The following SH3BGRL variants were observed in gnomAD, a reference collection of about 807,000 sequenced individuals.
SH3BGRL encodes the protein adapter SH3BGRL.
SH3BGRL carries 7 observed loss-of-function variants against 9.8 expected under a neutral mutation model. That is an observed-to-expected ratio of 0.72 (90% CI 0.41 to 1.35). The LOEUF (loss-of-function observed/expected upper bound fraction) is 1.35, where lower values mean the gene tolerates loss of function less well. Ranked by LOEUF, SH3BGRL falls within the 40% of genes most tolerant of loss-of-function variation. SH3BGRL has a pLI of 0.01. For synonymous variants in SH3BGRL, 36 were observed against 29.1 expected, an observed-to-expected ratio of 1.24 and a Z score of -0.76; for missense variants, 73 against 84.4, an observed-to-expected ratio of 0.86 and a Z score of 0.53.
intron 1 of SH3BGRL, among the ~76,000 whole-genome samples, chrX:81,236,904 A>G (rs1028664960): frequency 4.8e-5 from 5 of 104,402 alleles, no homozygotes; most frequent in Non-Finnish European, 8.0e-5. Flanking sequence ...GCTGAGGGAG[A>G]GAGAGAGAGA....
At chrX:81,242,280 T>C (rs2075672597) in intron 1 of SH3BGRL, among the ~76,000 whole-genome samples, 1 of 112,124 alleles carries the variant, frequency 8.9e-6, no homozygotes, top group African/African-American at 3.2e-5. Context: ...AGTGAACTCA[T>C]TTTTGACAAA....
intron 1 of SH3BGRL, among the ~76,000 whole-genome samples, chrX:81,276,709 A>G (rs766274018): frequency 4.5e-5 from 5 of 111,386 alleles, no homozygotes; most frequent in African/African-American, 1.3e-4. Context: ...TTAGATATTG[A>G]TATGCATCAG....
intron 1 of SH3BGRL, among the ~76,000 whole-genome samples, chrX:81,237,484 G>T (rs1033165932): frequency 2.7e-5 from 3 of 111,622 alleles, no homozygotes; most frequent in African/African-American, 9.8e-5. Context: ...TGTCCTGTTA[G>T]AGCAGAAAGG....
At chrX:81,210,983 T>A (rs1023379985) in intron 1 of SH3BGRL, among the ~76,000 whole-genome samples, 7 of 112,003 alleles carry the variant, frequency 6.2e-5, no homozygotes, top group African/African-American at 2.3e-4. Flanking sequence ...TTTAAGAAAA[T>A]CATTTTATTG....
chrX:81,247,902 ATT>A, intron 1 of SH3BGRL, among the ~76,000 whole-genome samples: 1 of 108,745 alleles, frequency 9.2e-6, no homozygotes, highest in Non-Finnish European at 1.9e-5. Flanking sequence ...CTTTGGTAGA[ATT>A]TGGCTGTGAA....
chrX:81,218,561 TAAAG>T (rs1200331825), intron 1 of SH3BGRL, among the ~76,000 whole-genome samples: 1 of 107,398 alleles, frequency 9.3e-6, no homozygotes, highest in Non-Finnish European at 1.9e-5. Context: ...TTACTGAGGT[TAAAG>T]ATAGTACCCC....
intron 1 of SH3BGRL, among the ~76,000 whole-genome samples, chrX:81,219,820 G>T (rs1272389899): frequency 9.0e-6 from 1 of 111,133 alleles, no homozygotes; most frequent in East Asian, 2.8e-4. Context: ...GACACTTGCT[G>T]TCATGAAGGT....
At chrX:81,204,602 AC>A (rs1421053756) in intron 1 of SH3BGRL, among the ~76,000 whole-genome samples, 4 of 110,870 alleles carry the variant, frequency 3.6e-5, no homozygotes, top group South Asian at 7.6e-4. Context: ...AAAAAAAAAA[AC>A]AACAGATGTT....
chrX:81,275,421 A>T lies in SH3BGRL; in HGVS notation c.46-1563A>T, dbSNP rs956786009. On this transcript the variant is annotated intron_variant, in intron 1 of 3. Transcript: ENST00000373212. ...GCCTTGAAAGTACAGTCTTAATAGG[A>T]CATCTTTATATCTACTCAAATTTGT... Among the ~76,000 whole-genome samples the T allele has an allele frequency of 6.3e-5, 7 of 111,298 alleles. No homozygotes were observed. In the Admixed American group the frequency reaches 6.7e-4, roughly 11 times the overall value.
At chrX:81,264,809 C>T (rs1408854716) in intron 1 of SH3BGRL, among the ~76,000 whole-genome samples, 5 of 110,119 alleles carry the variant, frequency 4.5e-5, no homozygotes, top group Non-Finnish European at 9.5e-5. Flanking sequence ...GGATGTTACT[C>T]TCAGTGCTCC....
intron 1 of SH3BGRL, among the ~76,000 whole-genome samples, chrX:81,264,108 G>C (rs2075749074): frequency 9.1e-6 from 1 of 110,254 alleles, no homozygotes; most frequent in Admixed American, 9.7e-5. Flanking sequence ...AGGAATTCAT[G>C]TTCACTCATA....
At chrX:81,213,487 A>G (rs1226377584) in intron 1 of SH3BGRL, among the ~76,000 whole-genome samples, 1 of 112,432 alleles carries the variant, frequency 8.9e-6, no homozygotes, top group Non-Finnish European at 1.9e-5. Context: ...CATTTTTCCT[A>G]AATATTTCCT....
rs185101841 is a variant in SH3BGRL, at chrX:81,211,408, A to G, written c.45+9163A>G. On this transcript the variant is annotated intron_variant, in intron 1 of 3. Coordinates refer to ENST00000373212, the MANE Select transcript of SH3BGRL (RefSeq NM_003022.3). ...AGACCATCCTGGCTAACAGGGTGAA[A>G]CCCCGTCTCTACTGAAAATACAAAA... 6.3e-3 allele frequency among the ~76,000 whole-genome samples: 699 copies of G among 110,797 alleles called. 7 individuals are homozygous for G. Among genetic ancestry groups the G allele is most frequent in the African/African-American group, 0.021 (647 of 30,368 alleles).
At chrX:81,234,399 G>T (rs1423604362) in intron 1 of SH3BGRL, among the ~76,000 whole-genome samples, 2 of 111,865 alleles carry the variant, frequency 1.8e-5, no homozygotes, top group Non-Finnish European at 3.8e-5. Flanking sequence ...GAACAGTTCA[G>T]TGCAGCTTTT....
chrX:81,271,549 G>A (rs767453858), intron 1 of SH3BGRL, among the ~76,000 whole-genome samples: 3 of 111,760 alleles, frequency 2.7e-5, no homozygotes, highest in East Asian at 2.8e-4. Flanking sequence ...CTTGTTTCTT[G>A]TTGGTAAAGA....
chrX:81,278,443 T>C lies in SH3BGRL; in HGVS notation c.312+32T>C, dbSNP rs140268754. The C allele has an allele frequency of 8.7e-4, 799 of 915,634 alleles. 3 individuals carry two copies. The African/African-American group carries it at 0.015, about 17-fold the overall frequency. The allele number at this position is 915,634 out of a possible 1,213,427, so 75.5% of individuals were successfully genotyped here. A position where few individuals can be genotyped will look rare whatever the true frequency, so the allele number is the denominator to read the frequency against. ...TACCCTTTTTTTCCTGTTTTATAGG[T>C]CATTTTATTGCTGCTGAACTTTTTT... On this transcript the variant is annotated intron_variant, in intron 3 of 3. Transcript: ENST00000373212.
chrX:81,288,319 C>T (rs1451188205), intron 3 of SH3BGRL, among the ~76,000 whole-genome samples: 1 of 111,686 alleles, frequency 9.0e-6, no homozygotes, highest in Non-Finnish European at 1.9e-5. Flanking sequence ...ATGACTGAAC[C>T]ACAGCTAGTA....
At chrX:81,287,333 G>T (rs775427389) in intron 3 of SH3BGRL, among the ~76,000 whole-genome samples, 37 of 111,717 alleles carry the variant, frequency 3.3e-4, no homozygotes, top group Non-Finnish European at 7.0e-4. Flanking sequence ...ATTAGTGGCT[G>T]CTACAAGCAA....
At chrX:81,295,457 C>T (rs2075871400) in intron 3 of SH3BGRL, among the ~76,000 whole-genome samples, 1 of 111,496 alleles carries the variant, frequency 9.0e-6, no homozygotes, top group African/African-American at 3.3e-5. Context: ...GTGTCTTTCA[C>T]CTTCCGCCAT....
Sources: allele counts gnomAD v4.1 joint callset (sites outside exome capture counted in the v4.1 genomes callset), GRCh38; gene constraint gnomAD v4.1.1; transcripts MANE v1.5; gene names NCBI Gene and HGNC (gene_info 2026-07-23, HGNC 2026-07-21).